Variants in CLYBL observed in about 807,000 individuals in gnomAD.
CLYBL encodes the protein citramalyl-CoA lyase, mitochondrial.
In CLYBL, 31 loss-of-function variants were observed where a neutral mutation model predicts 38.9. The observed-to-expected ratio is 0.80, with a 90% CI of 0.60 to 1.08. The LOEUF is 1.08. Ranked by LOEUF, CLYBL falls within the 50% of genes least tolerant of loss-of-function variation. The pLI is 0.00. For missense variants in CLYBL, 434 were observed against 411.6 expected (o/e 1.05, Z -0.47); for synonymous variants, 171 against 158.6 (o/e 1.08, Z -0.59).
chr13:99,717,677 C>T (rs1400282283), intron 1 of CLYBL, among the ~76,000 whole-genome samples: 1 of 151,998 alleles, frequency 6.6e-6, no homozygotes, highest in East Asian at 2.0e-4. Flanking sequence ...CCAGGCTGGT[C>T]TCAGACTCCT....
In CLYBL at chr13:99,768,197, T is replaced by C. The variant is rs575480462; in HGVS notation, c.63-4627T>C. ...TCCTCAAGTCTTTTCTTTTTCTTTT[T>C]TTTTTTTTTTTTTTTGAGCAGAGTC... On this transcript the variant is annotated intron_variant, in intron 1 of 8. Transcript: ENST00000339105. 2.8e-5 allele frequency among the ~76,000 whole-genome samples: 4 copies of C among 140,862 alleles called. No individual in the cohort carries two copies. In the East Asian group the frequency reaches 8.1e-4, roughly 29 times the overall value. 92.4% of individuals were successfully genotyped at this position (140,862 alleles called of 152,430 possible).
intron 1 of CLYBL, among the ~76,000 whole-genome samples, chr13:99,627,832 G>T (rs751359149): frequency 2.0e-5 from 3 of 152,168 alleles, no homozygotes; most frequent in African/African-American, 7.2e-5. Context: ...CTGCATTCAC[G>T]TATTTAGCCT....
intron 1 of CLYBL, among the ~76,000 whole-genome samples, chr13:99,718,558 G>A (rs1040002762): frequency 6.6e-6 from 1 of 152,022 alleles, no homozygotes; most frequent in African/African-American, 2.4e-5. Context: ...TCCTGGACTC[G>A]TGTCTATGAG....
chr13:99,656,067 T>G (rs927509506), intron 1 of CLYBL, among the ~76,000 whole-genome samples: 1 of 152,160 alleles, frequency 6.6e-6, no homozygotes, highest in African/African-American at 2.4e-5. Context: ...TTTCCTTTTT[T>G]CCAGACCCAC....
chr13:99,856,472 T>G (rs976801999), intron 2 of CLYBL, among the ~76,000 whole-genome samples: 1 of 152,210 alleles, frequency 6.6e-6, no homozygotes, highest in Non-Finnish European at 1.5e-5. Context: ...CAAGGCTGAC[T>G]TAGCTATTAA....
At chr13:99,884,253 G>A (rs1436158828) in intron 7 of CLYBL, among the ~76,000 whole-genome samples, 2 of 152,164 alleles carry the variant, frequency 1.3e-5, no homozygotes, top group African/African-American at 2.4e-5. Context: ...AGAGAGACAT[G>A]TGCAGATAAA....
chr13:99,812,583 C>T (rs1337576754), intron 2 of CLYBL, among the ~76,000 whole-genome samples: 1 of 152,194 alleles, frequency 6.6e-6, no homozygotes, highest in East Asian at 1.9e-4. Flanking sequence ...ACACACACTT[C>T]CGGTTTTCAG....
At chr13:99,697,323 G>A (rs1263828256) in intron 1 of CLYBL, among the ~76,000 whole-genome samples, 2 of 152,148 alleles carry the variant, frequency 1.3e-5, no homozygotes, top group Non-Finnish European at 2.9e-5. Context: ...ACTCACTCTC[G>A]CTTGCGTCTT....
intron 2 of CLYBL, among the ~76,000 whole-genome samples, chr13:99,805,859 A>G (rs924438619): frequency 6.6e-6 from 1 of 152,224 alleles, no homozygotes; most frequent in Non-Finnish European, 1.5e-5. Context: ...CTTTGCAGCC[A>G]TAATTTTTAC....
chr13:99,693,613 A>T (rs1445520076), intron 1 of CLYBL, among the ~76,000 whole-genome samples: 1 of 151,660 alleles, frequency 6.6e-6, no homozygotes, highest in Non-Finnish European at 1.5e-5. Context: ...TTTAAGTACC[A>T]CTGAAACCCA....
chr13:99,730,758 C>CG (rs2048574715), intron 1 of CLYBL, among the ~76,000 whole-genome samples: 1 of 152,136 alleles, frequency 6.6e-6, no homozygotes, highest in Non-Finnish European at 1.5e-5. Context: ...GCTAAACACA[C>CG]GGAACGGCCT....
At chr13:99,821,935 C>A (rs575959410) in intron 2 of CLYBL, among the ~76,000 whole-genome samples, 1 of 152,208 alleles carries the variant, frequency 6.6e-6, no homozygotes, top group Admixed American at 6.5e-5. Context: ...CTGGACTAGG[C>A]CACATGGCTT....
chr13:99,833,026 A>G (rs1389491273), intron 2 of CLYBL, among the ~76,000 whole-genome samples: 3 of 36,236 alleles, frequency 8.3e-5, no homozygotes, highest in African/African-American at 3.5e-4. Context: ...ATATATATAT[A>G]TATATTTTTT....
chr13:99,755,019 C>T (rs1294988666), intron 1 of CLYBL, among the ~76,000 whole-genome samples: 3 of 151,560 alleles, frequency 2.0e-5, no homozygotes, highest in East Asian at 1.9e-4. Flanking sequence ...TGCTTCAAAC[C>T]CCCGGGTAGC....
At chr13:99,610,393 G>A (rs2046608073) in intron 1 of CLYBL, among the ~76,000 whole-genome samples, 1 of 152,106 alleles carries the variant, frequency 6.6e-6, no homozygotes, top group Non-Finnish European at 1.5e-5. Flanking sequence ...GACATTTTAA[G>A]TAATATAATG....
chr13:99,666,210 G>C (rs989084348), intron 1 of CLYBL, among the ~76,000 whole-genome samples: 2 of 152,186 alleles, frequency 1.3e-5, no homozygotes, highest in Non-Finnish European at 2.9e-5. Flanking sequence ...TAAGGGAAGA[G>C]GGGATGGATG....
At chr13:99,765,958 C>T (rs537547525) in intron 1 of CLYBL, among the ~76,000 whole-genome samples, 211 of 151,504 alleles carry the variant, frequency 1.4e-3, no homozygotes, top group African/African-American at 5.0e-3. Flanking sequence ...TTCAAGCAGT[C>T]CTCCCACCTC....
At chr13:99,743,730 T>G (rs1166131151) in intron 1 of CLYBL, among the ~76,000 whole-genome samples, 1 of 152,224 alleles carries the variant, frequency 6.6e-6, no homozygotes, top group Admixed American at 6.5e-5. Context: ...ACTTACATCT[T>G]TCTTTCTTAA....
At chr13:99,856,345 A>G (rs1023912396) in intron 2 of CLYBL, among the ~76,000 whole-genome samples, 1 of 152,226 alleles carries the variant, frequency 6.6e-6, no homozygotes, top group Non-Finnish European at 1.5e-5. Flanking sequence ...GCACACATGC[A>G]GATTAGAGGA....
Sources: gnomAD v4.1 joint callset for allele counts (sites outside exome capture counted in the v4.1 genomes callset) on GRCh38, gnomAD v4.1.1 for gene constraint, MANE v1.5 for transcripts, NCBI Gene and HGNC (gene_info 2026-07-23, HGNC 2026-07-21) for gene names.